The following SH3D19 variants were observed in gnomAD, a reference collection of about 807,000 sequenced individuals.
The protein encoded by SH3D19 is SH3 domain containing 19, also known as SH3 domain-containing protein 19.
A neutral mutation model predicts 112.1 loss-of-function variants in SH3D19; 58 were observed. That is an observed-to-expected ratio of 0.52 (90% confidence interval 0.42 to 0.64). The LOEUF (loss-of-function observed/expected upper bound fraction) is 0.64, where lower values mean the gene tolerates loss of function less well. SH3D19 is among the 30% of genes least tolerant of loss of function. SH3D19 has a pLI of 0.00. For missense variants in SH3D19, 1,090 were observed against 1,263.4 expected (o/e 0.86, Z 2.08); for synonymous variants, 391 against 448.5 (o/e 0.87, Z 1.62).
At chr4:151,304,044 G>A (rs1025617156) in intron 1 of SH3D19, among the ~76,000 whole-genome samples, 1 of 150,734 alleles carries the variant, frequency 6.6e-6, no homozygotes, top group Non-Finnish European at 1.5e-5. Flanking sequence ...ATTCAAACTC[G>A]TAGGCTCAAG....
chr4:151,215,884 G>A (rs1197841237), intron 2 of SH3D19, among the ~76,000 whole-genome samples: 2 of 151,718 alleles, frequency 1.3e-5, no homozygotes, highest in Non-Finnish European at 2.9e-5. Context: ...GGAGTGCAGT[G>A]GCGTACTCTC....
intron 1 of SH3D19, chr4:151,291,384 A>G (rs1443907457): frequency 2.5e-6 from 4 of 1,613,908 alleles, no homozygotes; most frequent in Non-Finnish European, 3.4e-6. Context: ...TAGGCACTGT[A>G]GCTGAAGCTG....
chr4:151,215,458 A>C (rs1766916685), intron 2 of SH3D19, among the ~76,000 whole-genome samples: 1 of 152,238 alleles, frequency 6.6e-6, no homozygotes, highest in South Asian at 2.1e-4. Context: ...TTGTAGACAC[A>C]ATGTTACTCT....
At chr4:151,224,418 T>A (rs935454915) in intron 2 of SH3D19, among the ~76,000 whole-genome samples, 2 of 152,226 alleles carry the variant, frequency 1.3e-5, no homozygotes, top group Non-Finnish European at 2.9e-5. Flanking sequence ...GTAGATGTAA[T>A]GACATAAGAT....
At chr4:151,179,162 C>A (rs1439631870) in intron 4 of SH3D19, among the ~76,000 whole-genome samples, 193 bp downstream of exon 4, 1 of 152,200 alleles carries the variant, frequency 6.6e-6, no homozygotes, top group Non-Finnish European at 1.5e-5. Flanking sequence ...AGAACATTTT[C>A]AAGCCTGTAT....
chr4:151,150,302 T>TAC (rs1295799044), intron 9 of SH3D19, among the ~76,000 whole-genome samples: 15 of 139,662 alleles, frequency 1.1e-4, no homozygotes, highest in African/African-American at 2.1e-4. Flanking sequence ...CATATATATA[T>TAC]ACACACACAT....
At position 151,312,581 on chromosome 4, in the gene SH3D19, G is replaced by A. The variant is rs566808053; in HGVS notation, c.112+12660C>T. On this transcript the variant is annotated intron_variant, in intron 1 of 19. Transcript: ENST00000604030. ...AAATGTGGCCCAGGGACCACCAGCA[G>A]TGGCATCACCAGGACCTTGTTAGAA... is the stretch of plus-strand genomic sequence containing the variant. 4.6e-5 allele frequency among the ~76,000 whole-genome samples: 7 copies of A among 152,276 alleles called. No individual in the cohort carries two copies. In the South Asian group the frequency reaches 1.0e-3, roughly 23 times the overall value.
chr4:151,139,797 G>C lies in SH3D19; in HGVS notation c.2274C>G (p.Val758=), dbSNP rs756860196. ...KPVDSGAPHA[V]VLHDFPAEQV... is the part of the protein sequence containing the mutation. ...TACCTGCTGGGAAATCATGAAGAACGACAGCATGAGGAGCACCACTGTCAA... is the reference window on the plus strand; with the variant it reads ...TACCTGCTGGGAAATCATGAAGAACCACAGCATGAGGAGCACCACTGTCAA... Residue 758 remains valine, a synonymous_variant, in exon 13 of 20, where the codon GTC becomes GTG. Coordinates refer to ENST00000604030, the MANE Select transcript of SH3D19 (RefSeq NM_001378122.1). The C allele has an allele frequency of 1.2e-5, 20 of 1,614,086 alleles. No individual in the cohort carries two copies. In the South Asian group the frequency reaches 2.1e-4, roughly 17 times the overall value.
At chr4:151,291,447 C>T (rs1339078405) in intron 1 of SH3D19, 5 of 1,598,790 alleles carry the variant, frequency 3.1e-6, no homozygotes, top group Non-Finnish European at 4.3e-6. Flanking sequence ...GTCCCAGGGG[C>T]AGATAACTCA....
chr4:151,189,220 T>C (rs963410957), intron 2 of SH3D19, among the ~76,000 whole-genome samples: 2 of 151,974 alleles, frequency 1.3e-5, no homozygotes, highest in Non-Finnish European at 2.9e-5. Context: ...TTCACACCAT[T>C]CTCCTGCCTC....
At position 151,243,745 on chromosome 4, in the gene SH3D19, G is replaced by A. The variant is rs17027447; in HGVS notation, c.113-17659C>T. Among the ~76,000 whole-genome samples the A allele has an allele frequency of 5.8e-3, 888 of 152,308 alleles. 11 individuals are homozygous for A. The highest frequency in any genetic ancestry group is 0.02 in the African/African-American group (843 of 41,562). On this transcript the variant is annotated intron_variant, in intron 1 of 19. Coordinates refer to ENST00000604030, the MANE Select transcript of SH3D19 (RefSeq NM_001378122.1). ...AGTCAAAGCATTACAACTGTTGGGA[G>A]AAAAGCTGGACATTCCAAAAAAACT...
chr4:151,177,235 T>G (rs2149831018), intron 4 of SH3D19, among the ~76,000 whole-genome samples: 1 of 152,290 alleles, frequency 6.6e-6, no homozygotes, highest in East Asian at 1.9e-4. Flanking sequence ...GGATAAGAAC[T>G]AAGTAAGGCC....
intron 1 of SH3D19, among the ~76,000 whole-genome samples, chr4:151,314,242 A>C (rs1012600251): frequency 6.6e-6 from 1 of 152,216 alleles, no homozygotes; most frequent in Admixed American, 6.5e-5. Context: ...CACAGCTTCT[A>C]TTTATTTATT....
chr4:151,253,069 C>G (rs1453826003), intron 1 of SH3D19, among the ~76,000 whole-genome samples: 1 of 152,188 alleles, frequency 6.6e-6, no homozygotes, highest in Non-Finnish European at 1.5e-5. Flanking sequence ...CAGTTTGATT[C>G]ATTTAAAATT....
intron 1 of SH3D19, among the ~76,000 whole-genome samples, chr4:151,243,792 A>G (rs1048849364): frequency 6.6e-6 from 1 of 152,218 alleles, no homozygotes; most frequent in African/African-American, 2.4e-5. Flanking sequence ...AGTATTGAGG[A>G]AAATTGCTAT....
intron 1 of SH3D19, chr4:151,277,163 G>C (rs754264197): frequency 1.0e-5 from 15 of 1,459,378 alleles, no homozygotes; most frequent in South Asian, 2.9e-5. Context: ...CTGGCTCTGA[G>C]GACAGAGACA....
chr4:151,145,853 T>C (rs2149771291), intron 11 of SH3D19, among the ~76,000 whole-genome samples: 1 of 152,346 alleles, frequency 6.6e-6, no homozygotes, highest in East Asian at 1.9e-4. Context: ...TATGTCTCTG[T>C]TTCTTATTTT....
At chr4:151,138,744 G>T (rs986764724) in intron 13 of SH3D19, among the ~76,000 whole-genome samples, 2 of 150,110 alleles carry the variant, frequency 1.3e-5, no homozygotes, top group African/African-American at 4.9e-5. Flanking sequence ...AAATTACTTT[G>T]ATCTCATAGG....
At chr4:151,135,736 T>C (rs370414744) in intron 14 of SH3D19, among the ~76,000 whole-genome samples, 9 of 152,076 alleles carry the variant, frequency 5.9e-5, no homozygotes, top group African/African-American at 2.2e-4. Context: ...GCCAGCTCTA[T>C]ACCATATTTT....
Sources: gnomAD v4.1 joint callset for allele counts (sites outside exome capture counted in the v4.1 genomes callset) on GRCh38, gnomAD v4.1.1 for gene constraint, MANE v1.5 for transcripts, NCBI Gene and HGNC (gene_info 2026-07-23, HGNC 2026-07-21) for gene names.